KCNG3: variants seen among roughly 807,000 people sequenced by gnomAD.
KCNG3 encodes the protein voltage-gated potassium channel regulatory subunit KCNG3.
Under a neutral mutation model 29.0 loss-of-function variants are expected in KCNG3, and 15 were observed. That is an observed-to-expected ratio of 0.52 (90% CI 0.35 to 0.80). KCNG3 has a LOEUF of 0.80. KCNG3 is among the 30% of genes least tolerant of loss of function. The pLI is 0.01. For synonymous variants in KCNG3, 322 were observed against 248.9 expected, an observed-to-expected ratio of 1.29 and a Z score of -2.76; for missense variants, 512 against 605.7, an observed-to-expected ratio of 0.85 and a Z score of 1.62.
intron 1 of KCNG3, among the ~76,000 whole-genome samples, chr2:42,488,607 T>C (rs1253836712): frequency 6.6e-6 from 1 of 151,780 alleles, no homozygotes; most frequent in Non-Finnish European, 1.5e-5. Flanking sequence ...TGGAGTGCAG[T>C]AGCGTGATAT....
chr2:42,407,464 A>G, the KCNG3 span, among the ~76,000 whole-genome samples: 1 of 152,274 alleles, frequency 6.6e-6, no homozygotes, highest in East Asian at 1.9e-4. Flanking sequence ...CTGCCATCAC[A>G]CTGGCTGCAG....
the KCNG3 span, among the ~76,000 whole-genome samples, chr2:42,432,934 T>TAAAAAAAA: frequency 3.8e-5 from 5 of 132,736 alleles, no homozygotes; most frequent in South Asian, 2.3e-4. Flanking sequence ...GCTTTTATGA[T>TAAAAAAAA]AAAAAAAAAA....
downstream of KCNG3, among the ~76,000 whole-genome samples, chr2:42,441,446 A>G (rs1229632945): frequency 1.3e-5 from 2 of 152,132 alleles, no homozygotes; most frequent in Non-Finnish European, 2.9e-5. Context: ...GAACGTTACA[A>G]TAAAATGCTG....
Position 42,444,890 on chromosome 2 carries a change from C to T in KCNG3, c.666-311G>A, listed in dbSNP as rs545088891. The stretch of plus-strand genomic sequence containing the variant: ...CAACCTGGGCACCACAGCAAAACCC[C>T]GTCTCCACAAAAAAAAAATACAAAA... On this transcript the variant is annotated intron_variant, in intron 1 of 1. Coordinates refer to ENST00000306078, the MANE Select transcript of KCNG3 (RefSeq NM_133329.6). The surrounding 1 kb of genome is among the most constrained non-coding windows in gnomAD (Gnocchi z 5.8). 0.01 allele frequency among the ~76,000 whole-genome samples: 666 copies of T among 65,826 alleles called. 4 individuals are homozygous for T. The highest frequency in any genetic ancestry group is 0.033 in the African/African-American group (621 of 19,006). 43.2% of individuals were successfully genotyped at this position (65,826 alleles called of 152,430 possible). A position where few individuals can be genotyped will look rare whatever the true frequency, so the allele number is the denominator to read the frequency against.
chr2:42,400,538 C>T, the KCNG3 span, among the ~76,000 whole-genome samples: 34 of 152,214 alleles, frequency 2.2e-4, no homozygotes, highest in South Asian at 4.1e-4. Flanking sequence ...ACACCAAACA[C>T]CCCCTCCTTG....
rs1433243865 is a variant in KCNG3, at chr2:42,442,208, T to C, written c.*1726A>G. The C allele has an allele frequency of 6.6e-6, 1 of 152,182 alleles. No homozygotes were observed. Among genetic ancestry groups the C allele is most frequent in the African/African-American group, 2.4e-5 (1 of 41,440 alleles). 9.4% of individuals were successfully genotyped at this position (152,182 alleles called of 1,614,324 possible). A position where few individuals can be genotyped will look rare whatever the true frequency, so the allele number is the denominator to read the frequency against. ...TTTGGGTATGTAAGAAGTAGCATAC[T>C]AGCAGTAATAGGGAAAATAGGGCAA... On this transcript the variant is annotated 3_prime_UTR_variant, in exon 2 of 2. Coordinates refer to ENST00000306078, the MANE Select transcript of KCNG3 (RefSeq NM_133329.6).
At chr2:42,476,424 C>T (rs1443774387) in intron 1 of KCNG3, among the ~76,000 whole-genome samples, 1 of 151,944 alleles carries the variant, frequency 6.6e-6, no homozygotes, top group African/African-American at 2.4e-5. Context: ...CTGCAGTGGG[C>T]TGAGATCATG....
At chr2:42,454,482 C>A (rs374547638) in intron 1 of KCNG3, among the ~76,000 whole-genome samples, 1 of 151,124 alleles carries the variant, frequency 6.6e-6, no homozygotes, top group African/African-American at 2.4e-5. Context: ...GAGGCCGAGG[C>A]GGGCAGATCA....
chr2:42,401,879 G>A, the KCNG3 span, among the ~76,000 whole-genome samples: 14 of 151,994 alleles, frequency 9.2e-5, no homozygotes, highest in African/African-American at 3.4e-4. Context: ...GCGAGAATCC[G>A]TCTCAAAAAA....
the KCNG3 span, among the ~76,000 whole-genome samples, chr2:42,426,435 T>A: frequency 1.3e-5 from 2 of 152,222 alleles, no homozygotes; most frequent in African/African-American, 4.8e-5. Flanking sequence ...ATACAGTACA[T>A]CTGATCCTTC....
chr2:42,491,772 A>C (rs1188126850), intron 1 of KCNG3, among the ~76,000 whole-genome samples: 2 of 152,240 alleles, frequency 1.3e-5, no homozygotes, highest in African/African-American at 4.8e-5. Context: ...ATTATGTAGA[A>C]GTAATCCACT....
At chr2:42,433,550 A>C in the KCNG3 span, among the ~76,000 whole-genome samples, 112,337 of 151,950 alleles carry the variant, frequency 0.74, 41,900 homozygotes, top group East Asian at 0.81. Context: ...ACCAGCCTGG[A>C]CAAAATGGTG....
At chr2:42,415,588 T>G in the KCNG3 span, 1 of 152,170 alleles carries the variant, frequency 6.6e-6, no homozygotes, top group East Asian at 1.9e-4. Flanking sequence ...AAATAGACTT[T>G]TGTAGTTGTA....
chr2:42,450,803 C>T (rs888992168), intron 1 of KCNG3, among the ~76,000 whole-genome samples: 1 of 152,128 alleles, frequency 6.6e-6, no homozygotes. Context: ...CAAGGTCACA[C>T]AACTAAGAAG....
the KCNG3 span, among the ~76,000 whole-genome samples, chr2:42,400,415 A>G: frequency 6.6e-6 from 1 of 152,204 alleles, no homozygotes; most frequent in Admixed American, 6.5e-5. Context: ...GGACTTTTCT[A>G]TCCCATTTGC....
intron 1 of KCNG3, among the ~76,000 whole-genome samples, chr2:42,453,590 T>C (rs527693652): frequency 5.9e-5 from 9 of 152,348 alleles, no homozygotes; most frequent in Admixed American, 3.9e-4. Context: ...TTGAGCTCCT[T>C]ATACATTCTG....
chr2:42,482,140 A>G (rs974832024), intron 1 of KCNG3, among the ~76,000 whole-genome samples: 1 of 152,232 alleles, frequency 6.6e-6, no homozygotes, highest in Non-Finnish European at 1.5e-5. Flanking sequence ...GGTCATTGAA[A>G]GCAAGGACTT....
chr2:42,391,437 C>A, the KCNG3 span, among the ~76,000 whole-genome samples: 2 of 152,160 alleles, frequency 1.3e-5, no homozygotes, highest in Admixed American at 1.3e-4. Flanking sequence ...GGCTTATTTA[C>A]AGCCAGTTTG....
chr2:42,460,532 T>C (rs1253960096), intron 1 of KCNG3, among the ~76,000 whole-genome samples: 1 of 152,166 alleles, frequency 6.6e-6, no homozygotes, highest in Non-Finnish European at 1.5e-5. Flanking sequence ...AATGCTATAA[T>C]TGATGTGCAT....
Sources: gnomAD v4.1 joint callset for allele counts (sites outside exome capture counted in the v4.1 genomes callset) on GRCh38, gnomAD v4.1.1 for gene constraint, Gnocchi (gnomAD v3.1) non-coding constraint, MANE v1.5 for transcripts, NCBI Gene and HGNC (gene_info 2026-07-23, HGNC 2026-07-21) for gene names.